SYNE1: variants seen among roughly 807,000 people sequenced by gnomAD.
SYNE1 encodes nesprin-1.
SYNE1 carries 616 observed loss-of-function variants against 1,111.0 expected under a neutral mutation model. The observed-to-expected ratio is 0.55, with a 90% confidence interval of 0.52 to 0.59. The LOEUF (loss-of-function observed/expected upper bound fraction) is 0.59. Ranked by LOEUF, SYNE1 falls within the 20% of genes least tolerant of loss-of-function variation. SYNE1 has a pLI of 0.00. For synonymous variants in SYNE1, 3,855 were observed against 3,825.8 expected (o/e 1.01, Z -0.28); for missense variants, 10,006 against 10,417.0 (o/e 0.96, Z 1.72).
chr6:152,537,942 G>A (rs919266252), intron 4 of SYNE1, among the ~76,000 whole-genome samples: 1 of 152,086 alleles, frequency 6.6e-6, no homozygotes, highest in Non-Finnish European at 1.5e-5. Context: ...ACTCATAAAC[G>A]GTTTGGTTGT....
intron 137 of SYNE1, 65 bp from the exon 138 acceptor site, chr6:152,143,830 C>T (rs764918836): frequency 6.2e-7 from 1 of 1,609,222 alleles, no homozygotes; most frequent in South Asian, 1.1e-5. Context: ...GCTTGATATT[C>T]AAGGAGAAGT....
In SYNE1 at chr6:152,136,656, A is replaced by C; in HGVS notation, c.25621T>G (p.Trp8541Gly). The C allele has an allele frequency of 1.9e-6, 3 of 1,613,896 alleles. No individual in the cohort carries two copies. Among genetic ancestry groups the C allele is most frequent in the Non-Finnish European group, 2.5e-6 (3 of 1,180,014 alleles). The change falls in exon 141 of 146, where the codon TGG becomes GGG. Residue 8541 changes from tryptophan (W) to glycine (G), a missense_variant. Trp to Gly is a radical substitution (Grantham distance 184). This residue lies in a region of SYNE1 where 761 missense variants were observed against 795.5 expected (regional missense o/e 0.96). Transcript: ENST00000367255. Reference protein sequence around the residue: ...WDRVCSLLEEWRGLLQDALMQ... With the variant: ...WDRVCSLLEEGRGLLQDALMQ... ...AGGGCATCCTGCAGCAGGCCCCGCC[A>C]CTCCTCCAGCAGAGAGCACACTCGG...
At chr6:152,569,268 G>A (rs1292437925) in intron 3 of SYNE1, among the ~76,000 whole-genome samples, 1 of 152,118 alleles carries the variant, frequency 6.6e-6, no homozygotes, top group Admixed American at 6.6e-5. Context: ...AGAAAATTTT[G>A]TGGTGCAGTG....
chr6:152,314,470 G>A (rs1202994283), intron 87 of SYNE1, among the ~76,000 whole-genome samples: 3 of 152,044 alleles, frequency 2.0e-5, no homozygotes, highest in African/African-American at 7.3e-5. Flanking sequence ...ACCCCTGGTG[G>A]GCGGTTGGGT....
intron 1 of SYNE1, 60 bp from the exon 2 acceptor site, chr6:152,636,865 G>A (rs1486935118): frequency 6.6e-6 from 1 of 152,358 alleles, no homozygotes; most frequent in Non-Finnish European, 1.5e-5. Flanking sequence ...CCCGGCGCCC[G>A]CGCTCACCCT....
chr6:152,575,726 T>G (rs2128355558), intron 3 of SYNE1, among the ~76,000 whole-genome samples: 1 of 152,310 alleles, frequency 6.6e-6, no homozygotes, highest in Admixed American at 6.5e-5. Context: ...AGAACATCAG[T>G]TTCATCATCA....
chr6:152,166,668 T>A (rs972522250), intron 130 of SYNE1, among the ~76,000 whole-genome samples: 1 of 152,224 alleles, frequency 6.6e-6, no homozygotes, highest in Non-Finnish European at 1.5e-5. Flanking sequence ...GTTCATATAG[T>A]CCATTAGGGA....
At chr6:152,212,394 CT>C (rs2077690375) in intron 123 of SYNE1, among the ~76,000 whole-genome samples, 1 of 152,134 alleles carries the variant, frequency 6.6e-6, no homozygotes, top group Admixed American at 6.6e-5. Flanking sequence ...TCTTTTGTGA[CT>C]GGTTTCTTTC....
chr6:152,469,807 G>A (rs920847567), intron 16 of SYNE1, among the ~76,000 whole-genome samples: 31 of 152,132 alleles, frequency 2.0e-4, no homozygotes, highest in African/African-American at 7.5e-4. Flanking sequence ...CAAGTGACTT[G>A]AGTCTATGGA....
At chr6:152,198,636 G>GA (rs1444550912) in intron 127 of SYNE1, among the ~76,000 whole-genome samples, 1 of 152,118 alleles carries the variant, frequency 6.6e-6, no homozygotes, top group Non-Finnish European at 1.5e-5. Flanking sequence ...AGAGGCCACT[G>GA]TATGAATTGG....
chr6:152,348,501 A>G (rs1030808872), intron 72 of SYNE1, among the ~76,000 whole-genome samples: 135 of 152,314 alleles, frequency 8.9e-4, no homozygotes, highest in Non-Finnish European at 4.9e-4. Flanking sequence ...CCTGGCCAAC[A>G]TGGTGTAACC....
At position 152,395,561 on chromosome 6, in the gene SYNE1, T is replaced by A; in HGVS notation, c.7667A>T (p.Glu2556Val). Reference sequence around the variant, plus strand: ...CAAAAACATTTCAACTTTATGAACTTCATTTTTCTTCTCAGGAATGTGCTG... The same window carrying A: ...CAAAAACATTTCAACTTTATGAACTACATTTTTCTTCTCAGGAATGTGCTG... ...SKQHIPEKKN[E>V]VHKVEMFLGE... is the part of the protein sequence containing the mutation. Residue 2556 changes from glutamate to valine, a missense_variant, in exon 51 of 146, where the codon GAA (glutamate) becomes GTA (valine). Coordinates refer to ENST00000367255, the MANE Select transcript of SYNE1 (RefSeq NM_182961.4). 6.2e-7 allele frequency: 1 copy of A among 1,614,132 alleles called. No individual in the cohort carries two copies. The highest frequency in any genetic ancestry group is 8.5e-7 in the Non-Finnish European group (1 of 1,179,984).
intron 112 of SYNE1, among the ~76,000 whole-genome samples, chr6:152,233,032 A>G (rs986903672): frequency 1.3e-5 from 2 of 152,206 alleles, no homozygotes; most frequent in African/African-American, 4.8e-5. Flanking sequence ...ATAAAGATAA[A>G]ATGTTCTGGG....
Position 152,387,200 on chromosome 6 carries a change from T to C in SYNE1, c.8359A>G (p.Thr2787Ala), listed in dbSNP as rs1300347063. The C allele has an allele frequency of 6.2e-7, 1 of 1,614,056 alleles. No homozygotes were observed. Among genetic ancestry groups the C allele is most frequent in the Non-Finnish European group, 8.5e-7 (1 of 1,180,024 alleles). Residue 2787 changes from threonine (T) to alanine (A), a missense_variant, in exon 54 of 146, where the codon ACG (threonine) becomes GCG (alanine). Coordinates refer to ENST00000367255, the MANE Select transcript of SYNE1 (RefSeq NM_182961.4). ...QSILSEAEDH[T>A]RALHRLIAKS... ...GCAATTAGACGGTGAAGGGCTCTCG[T>C]GTGATCTTCTGCCTCAGACAGGATG...
At chr6:152,444,991 TTCTC>T (rs1477597587) in intron 29 of SYNE1, among the ~76,000 whole-genome samples, 2 of 152,124 alleles carry the variant, frequency 1.3e-5, no homozygotes, top group African/African-American at 4.8e-5. Flanking sequence ...CTTTTATTCT[TTCTC>T]ATATTACTCA....
Position 152,249,231 on chromosome 6 carries a change from G to C in SYNE1, c.19502C>G (p.Ala6501Gly). 6.2e-7 allele frequency: 1 copy of C among 1,613,754 alleles called. No homozygotes were observed. Among genetic ancestry groups the C allele is most frequent in the Non-Finnish European group, 8.5e-7 (1 of 1,179,700 alleles). Residue 6501 changes from alanine (A) to glycine (G), a missense_variant, in exon 105 of 146, where the codon GCT becomes GGT. Ala to Gly is a moderately conservative substitution (Grantham distance 60). This residue lies in a region of SYNE1 where 2,182 missense variants were observed against 2,287.8 expected (regional missense o/e 0.95). Coordinates refer to ENST00000367255, the MANE Select transcript of SYNE1 (RefSeq NM_182961.4). ...NDLKVLFTSL[A>G]DNKYIILQKL... ...TTGCAGAATGATGTATTTGTTGTCA[G>C]CCAGTGATGTAAACAGCACTTTCAG...
chr6:152,437,082 T>C (rs894213442), intron 32 of SYNE1, among the ~76,000 whole-genome samples: 4 of 151,326 alleles, frequency 2.6e-5, no homozygotes, highest in African/African-American at 7.3e-5. Context: ...TGAGAGGAGA[T>C]AGAGGCTGCA....
chr6:152,270,123 A>G (rs1335962667), intron 98 of SYNE1, among the ~76,000 whole-genome samples: 1 of 152,190 alleles, frequency 6.6e-6, no homozygotes, highest in Non-Finnish European at 1.5e-5. Flanking sequence ...CTAGGGCGAT[A>G]GATTTAAATT....
At chr6:152,302,198 G>A (rs1031534593) in intron 91 of SYNE1, 135 bp from the exon 92 acceptor site, 8 of 1,179,972 alleles carry the variant, frequency 6.8e-6, no homozygotes, top group Non-Finnish European at 9.8e-6. Flanking sequence ...ATGTGTAGGC[G>A]GCGAGTCCTC....
Sources: gnomAD v4.1 joint callset for allele counts (sites outside exome capture counted in the v4.1 genomes callset) on GRCh38, gnomAD v4.1.1 for gene constraint, gnomAD v4.1.1 regional missense constraint, MANE v1.5 for transcripts, NCBI Gene and HGNC (gene_info 2026-07-23, HGNC 2026-07-21) for gene names.